Variants in TJP3 observed in about 807,000 individuals in gnomAD.
The protein encoded by TJP3 is tight junction protein ZO-3.
A neutral mutation model predicts 104.2 loss-of-function variants in TJP3; 85 were observed. That is an observed-to-expected ratio of 0.82 (90% CI 0.68 to 0.98). The LOEUF (loss-of-function observed/expected upper bound fraction) is 0.98, where lower values mean the gene tolerates loss of function less well. TJP3 is among the 50% of genes least tolerant of loss of function. The pLI is 0.00. For missense variants in TJP3, 1,367 were observed against 1,322.8 expected (o/e 1.03, Z -0.52); for synonymous variants, 550 against 550.6 (o/e 1.00, Z 0.02).
chr19:3,722,824 C>T lies in TJP3; in HGVS notation c.-9-5600C>T, dbSNP rs1250383889. On this transcript the variant is annotated intron_variant, in intron 1 of 20. Coordinates refer to ENST00000541714, the MANE Select transcript of TJP3 (RefSeq NM_001267560.2). The stretch of plus-strand genomic sequence containing the variant: ...CGGTGTATTTGTTCGCTGAAACCGC[C>T]CTCTCTGCCATTGTTCCTGGAGATG... 2.9e-5 allele frequency among the ~76,000 whole-genome samples: 4 copies of T among 137,852 alleles called. 1 individual carries two copies. The South Asian group carries it at 7.1e-4, about 24-fold the overall frequency. 90.4% of individuals were successfully genotyped at this position (137,852 alleles called of 152,430 possible).
At chr19:3,748,252 T>C (rs2036933726) in intron 19 of TJP3, among the ~76,000 whole-genome samples, 171 bp downstream of exon 19, 1 of 149,796 alleles carries the variant, frequency 6.7e-6, no homozygotes, top group South Asian at 2.1e-4. Context: ...CACGTGGCAC[T>C]GAGTAACTTG....
At chr19:3,749,207 C>T (rs943105087) in intron 19 of TJP3, among the ~76,000 whole-genome samples, 1 of 152,164 alleles carries the variant, frequency 6.6e-6, no homozygotes, top group Non-Finnish European at 1.5e-5. Context: ...CCTGTTTCCT[C>T]ATCTAGGACA....
At chr19:3,724,939 C>G (rs998423253) in intron 1 of TJP3, among the ~76,000 whole-genome samples, 5 of 151,716 alleles carry the variant, frequency 3.3e-5, no homozygotes, top group African/African-American at 1.2e-4. Context: ...AGTAAATAAT[C>G]AGAAAGCCAC....
chr19:3,735,309 C>T (rs1030001232), intron 8 of TJP3, among the ~76,000 whole-genome samples: 13 of 152,064 alleles, frequency 8.5e-5, no homozygotes, highest in Non-Finnish European at 1.9e-4. Context: ...AAGCAATTCT[C>T]CTGCCTTAGC....
At chr19:3,718,614 G>A (rs1227272179) in intron 1 of TJP3, among the ~76,000 whole-genome samples, 6 of 151,428 alleles carry the variant, frequency 4.0e-5, no homozygotes, top group Admixed American at 1.3e-4. Context: ...GACTACAGAC[G>A]TGCGCCACCA....
rs140609409 is a variant in TJP3, at chr19:3,747,922, G to A, written c.2451G>A (p.Thr817=). The change falls in exon 19 of 21, where the codon ACG becomes ACA. Residue 817 remains threonine (T), a synonymous_variant. Coordinates refer to ENST00000541714, the MANE Select transcript of TJP3 (RefSeq NM_001267560.2). ...YETDGEGGAY[T]DGEGYTDGEG... is the part of the protein sequence containing the mutation. ...CGGACGGCGAGGGCGGCGCGTACAC[G>A]GATGGCGAGGGCTACACAGACGGCG... 549 of 1,613,224 alleles carry A rather than the reference G, an allele frequency of 3.4e-4. 1 individual carries two copies. The highest frequency in any genetic ancestry group is 1.5e-3 in the Middle Eastern group (9 of 6,044).
chr19:3,732,113 A>G (rs2036679955), intron 6 of TJP3, 75 bp downstream of exon 6: 15 of 1,222,426 alleles, frequency 1.2e-5, no homozygotes, highest in Non-Finnish European at 1.6e-5. Flanking sequence ...GGAGTCATAC[A>G]GCAAGGACAG....
intron 13 of TJP3, among the ~76,000 whole-genome samples, chr19:3,740,163 C>T (rs992427995): frequency 2.0e-5 from 3 of 152,116 alleles, no homozygotes; most frequent in African/African-American, 4.8e-5. Context: ...ACCTGGGAGG[C>T]GGAGGTTGCA....
At chr19:3,718,550 C>T (rs1380080296) in intron 1 of TJP3, among the ~76,000 whole-genome samples, 1 of 151,082 alleles carries the variant, frequency 6.6e-6, no homozygotes, top group Non-Finnish European at 1.5e-5. Context: ...CTGACTGCAA[C>T]CTCTGCCTCC....
intron 13 of TJP3, among the ~76,000 whole-genome samples, chr19:3,739,367 A>G (rs1314175126): frequency 3.3e-5 from 5 of 152,110 alleles, no homozygotes; most frequent in Admixed American, 6.5e-5. Context: ...GCACATGCCT[A>G]TAATCCCAGC....
intron 14 of TJP3, among the ~76,000 whole-genome samples, chr19:3,740,971 C>T (rs2036808194): frequency 6.6e-6 from 1 of 152,110 alleles, no homozygotes; most frequent in African/African-American, 2.4e-5. Flanking sequence ...AAGACTACAT[C>T]TCTACCTCAA....
chr19:3,736,634 G>T (rs2036743182), intron 11 of TJP3, among the ~76,000 whole-genome samples: 1 of 152,066 alleles, frequency 6.6e-6, no homozygotes, highest in Non-Finnish European at 1.5e-5. Context: ...GGAGTGCAAT[G>T]GTGTGATCTT....
chr19:3,732,010 G>C lies in TJP3; in HGVS notation c.689G>C (p.Gly230Ala). The change falls in exon 6 of 21, where the codon GGG (glycine) becomes GCG (alanine). Residue 230 changes from glycine (G) to alanine (A), a missense_variant. Transcript: ENST00000541714. The part of the protein sequence containing the change: ...TDSGLAARHR[G>A]LQEGDLILQI... The stretch of plus-strand genomic sequence containing the variant: ...TCGGGCCTGGCTGCCCGGCACCGTG[G>C]GCTGCAGGAAGGAGATCTCATTCTA... 6.2e-7 allele frequency: 1 copy of C among 1,613,200 alleles called. No homozygotes were observed. The highest frequency in any genetic ancestry group is 8.5e-7 in the Non-Finnish European group (1 of 1,179,768).
chr19:3,748,758 G>A (rs1211272138), intron 19 of TJP3, among the ~76,000 whole-genome samples: 1 of 147,856 alleles, frequency 6.8e-6, no homozygotes, highest in Non-Finnish European at 1.5e-5. Flanking sequence ...AGTACAGACA[G>A]GGTTTCTCCA....
At chr19:3,719,380 A>T (rs2036521345) in intron 1 of TJP3, among the ~76,000 whole-genome samples, 1 of 151,872 alleles carries the variant, frequency 6.6e-6, no homozygotes, top group African/African-American at 2.4e-5. Context: ...GGCTCCAGGA[A>T]CCCATGCTGT....
chr19:3,744,680 A>G (rs913003865), intron 15 of TJP3, among the ~76,000 whole-genome samples: 4 of 150,726 alleles, frequency 2.7e-5, no homozygotes, highest in Non-Finnish European at 1.5e-5. Context: ...AAAAACAAAA[A>G]CAATTAAGAT....
chr19:3,737,293 T>A (rs1199558574), intron 11 of TJP3, among the ~76,000 whole-genome samples: 1 of 142,746 alleles, frequency 7.0e-6, no homozygotes, highest in Non-Finnish European at 1.6e-5. Context: ...CACAGCCTCA[T>A]TGCCTATGTC....
chr19:3,721,770 G>C (rs922045361), intron 1 of TJP3: 18 of 456,070 alleles, frequency 3.9e-5, no homozygotes, highest in Non-Finnish European at 5.3e-5. Context: ...GGAGGAGGAC[G>C]AGAGCCCGGC....
chr19:3,725,800 T>A (rs1411380277), intron 1 of TJP3, among the ~76,000 whole-genome samples: 1 of 152,016 alleles, frequency 6.6e-6, no homozygotes, highest in East Asian at 1.9e-4. Flanking sequence ...TGTACCCTTT[T>A]CCCAAACCAC....
Sources: allele counts gnomAD v4.1 joint callset (sites outside exome capture counted in the v4.1 genomes callset), GRCh38; gene constraint gnomAD v4.1.1; transcripts MANE v1.5; gene names NCBI Gene and HGNC (gene_info 2026-07-23, HGNC 2026-07-21).